The following TEAD1 variants were observed in gnomAD, a reference collection of about 807,000 sequenced individuals.
The protein encoded by TEAD1 is TEA domain transcription factor 1, also known as transcriptional enhancer factor TEF-1.
A neutral mutation model predicts 54.9 loss-of-function variants in TEAD1; 9 were observed. The ratio of observed to expected loss-of-function variants is 0.16; its 90% CI spans 0.10 to 0.29. TEAD1 has a LOEUF of 0.29. Among genes scored for constraint, TEAD1 ranks in the 10% least tolerant of loss-of-function variants. The probability of loss-of-function intolerance (pLI) is 1.00; values close to 1 mark genes in which losing one functional copy is unlikely to be tolerated. For synonymous variants in TEAD1, 200 were observed against 187.8 expected (o/e 1.07, Z -0.53); for missense variants, 387 against 535.9 (o/e 0.72, Z 2.74).
chr11:12,820,183 C>T (rs1946511793), intron 3 of TEAD1, among the ~76,000 whole-genome samples: 1 of 152,058 alleles, frequency 6.6e-6, no homozygotes, highest in African/African-American at 2.4e-5. Flanking sequence ...GGGAGTGGGA[C>T]GTGATCTGGT....
chr11:12,705,109 T>G (rs1208864955), intron 2 of TEAD1, among the ~76,000 whole-genome samples: 2 of 152,222 alleles, frequency 1.3e-5, no homozygotes, highest in Admixed American at 1.3e-4. Flanking sequence ...CTCTTAAAGC[T>G]GAACTTGTTG....
rs184453954 is a variant in TEAD1 at position 12,924,744 on chromosome 11, C to T, written c.874-168C>T. Among the ~76,000 whole-genome samples the T allele has an allele frequency of 7.4e-4, 113 of 152,188 alleles. 1 individual carries two copies. The highest frequency in any genetic ancestry group is 7.5e-4 in the Non-Finnish European group (51 of 68,012). On this transcript the variant is annotated intron_variant, in intron 10 of 12. Coordinates refer to ENST00000527636, the MANE Select transcript of TEAD1 (RefSeq NM_021961.6). ...AGAGGACTGCCCAAATTAGCAAACTCTTTAAAAAACGACAGATGGGTATTG... is the reference window on the plus strand; with the variant it reads ...AGAGGACTGCCCAAATTAGCAAACTTTTTAAAAAACGACAGATGGGTATTG...
intron 2 of TEAD1, among the ~76,000 whole-genome samples, chr11:12,723,298 G>A (rs1184038422): frequency 6.6e-6 from 1 of 152,068 alleles, no homozygotes; most frequent in African/African-American, 2.4e-5. Flanking sequence ...GGTTGAGTAT[G>A]GCTTTACTTA....
chr11:12,735,188 G>T (rs1226723533), intron 2 of TEAD1, among the ~76,000 whole-genome samples: 1 of 152,126 alleles, frequency 6.6e-6, no homozygotes, highest in Non-Finnish European at 1.5e-5. Context: ...TTCCGGGTTA[G>T]AAATACTGAG....
At position 12,937,227 on chromosome 11, in the gene TEAD1, G is replaced by A. The variant is rs748078530; in HGVS notation, c.*5G>A. 6 of 1,589,522 alleles carry A rather than the reference G, an allele frequency of 3.8e-6. No homozygotes were observed. Among genetic ancestry groups the A allele is most frequent in the Non-Finnish European group, 4.3e-6 (5 of 1,158,442 alleles). On this transcript the variant is annotated 3_prime_UTR_variant, in exon 13 of 13. Coordinates refer to ENST00000527636, the MANE Select transcript of TEAD1 (RefSeq NM_021961.6). ...TACAGGCTTGTAAAGGACTGAACAT[G>A]GTTATTTATATATATAGATATCTGT... is the stretch of plus-strand genomic sequence containing the variant.
At chr11:12,721,056 C>T (rs1269151544) in intron 2 of TEAD1, among the ~76,000 whole-genome samples, 1 of 152,196 alleles carries the variant, frequency 6.6e-6, no homozygotes, top group Admixed American at 6.5e-5. Context: ...TGTTTGACTA[C>T]CCTGTGTTTA....
At chr11:12,833,488 T>C (rs1303602766) in intron 3 of TEAD1, among the ~76,000 whole-genome samples, 2 of 152,202 alleles carry the variant, frequency 1.3e-5, no homozygotes, top group African/African-American at 4.8e-5. Context: ...ATAAGTAGCT[T>C]TGTTTTTCTT....
intron 11 of TEAD1, among the ~76,000 whole-genome samples, chr11:12,928,880 C>T (rs1948954625): frequency 6.6e-6 from 1 of 152,166 alleles, no homozygotes; most frequent in Non-Finnish European, 1.5e-5. Flanking sequence ...GGTGAGAACA[C>T]TTAAATATTC....
chr11:12,842,102 G>C (rs909579581), intron 3 of TEAD1, among the ~76,000 whole-genome samples: 3 of 152,114 alleles, frequency 2.0e-5, no homozygotes, highest in African/African-American at 7.2e-5. Flanking sequence ...AGGCAAATGT[G>C]AATCATGGGA....
intron 5 of TEAD1, among the ~76,000 whole-genome samples, chr11:12,875,710 T>G (rs1947841516): frequency 6.6e-6 from 1 of 152,214 alleles, no homozygotes; most frequent in African/African-American, 2.4e-5. Flanking sequence ...GTAGGTCAAG[T>G]GCAGAAAGAA....
chr11:12,924,318 T>C (rs1345344131), intron 10 of TEAD1, among the ~76,000 whole-genome samples: 2 of 152,256 alleles, frequency 1.3e-5, no homozygotes, highest in African/African-American at 4.8e-5. Flanking sequence ...AGTTATTTTA[T>C]GTATCTTCCA....
At chr11:12,936,021 C>T (rs1336594094) in intron 12 of TEAD1, among the ~76,000 whole-genome samples, 5 of 152,186 alleles carry the variant, frequency 3.3e-5, no homozygotes, top group Non-Finnish European at 7.3e-5. Flanking sequence ...CAGCCTGATA[C>T]TTAGAGGGAA....
At position 12,939,937 on chromosome 11, in the gene TEAD1, T is replaced by C. The variant is rs1347399625; in HGVS notation, c.*2715T>C. ...TCTGTATGGCAGTCTCCCTTTGTTA[T>C]AAAAGCTTTCTAAAGCATACTAAAG... is the stretch of plus-strand genomic sequence containing the variant. On this transcript the variant is annotated 3_prime_UTR_variant, in exon 13 of 13. Coordinates refer to ENST00000527636, the MANE Select transcript of TEAD1 (RefSeq NM_021961.6). The C allele has an allele frequency of 6.6e-6, 1 of 152,192 alleles. No individual in the cohort carries two copies. Among genetic ancestry groups the C allele is most frequent in the Non-Finnish European group, 1.5e-5 (1 of 68,046 alleles). 9.4% of individuals were successfully genotyped at this position (152,192 alleles called of 1,614,324 possible).
chr11:12,680,904 T>C (rs904496087), intron 2 of TEAD1, among the ~76,000 whole-genome samples: 1 of 152,216 alleles, frequency 6.6e-6, no homozygotes, highest in African/African-American at 2.4e-5. Flanking sequence ...TCAGATAAGC[T>C]GTCTGGTAAT....
intron 2 of TEAD1, among the ~76,000 whole-genome samples, chr11:12,748,981 G>A (rs911710683): frequency 2.6e-5 from 4 of 152,192 alleles, no homozygotes; most frequent in Non-Finnish European, 4.4e-5. Context: ...GTTTACCTGA[G>A]AAACATCATC....
At chr11:12,689,806 C>T (rs377720703) in intron 2 of TEAD1, among the ~76,000 whole-genome samples, 3 of 152,054 alleles carry the variant, frequency 2.0e-5, no homozygotes, top group Non-Finnish European at 4.4e-5. Context: ...ACTCCTGGCT[C>T]CTCTCCCACC....
rs1262706861 is a variant in TEAD1, at chr11:12,838,553, AATTTTAAC to A, written c.203-23689_203-23682del. The stretch of plus-strand genomic sequence containing the variant: ...TAATGATGGGATTACTTTGAAGATA[AATTTTAAC>A]ATTTTAAGTAAAACGTTCATGTAAA... On this transcript the variant is annotated intron_variant, in intron 3 of 12. Coordinates refer to ENST00000527636, the MANE Select transcript of TEAD1 (RefSeq NM_021961.6). Among the ~76,000 whole-genome samples the A allele has an allele frequency of 4.6e-5, 7 of 152,346 alleles. 2 individuals carry two copies. The highest frequency in any genetic ancestry group is 1.7e-4 in the African/African-American group (7 of 41,592).
intron 10 of TEAD1, chr11:12,921,101 CTGAA>C (rs1266345154): frequency 5.9e-5 from 9 of 152,152 alleles, no homozygotes; most frequent in African/African-American, 2.2e-4. Flanking sequence ...TACCTAAGTG[CTGAA>C]TATCTCTGAA....
At chr11:12,756,092 C>T (rs183486361) in intron 2 of TEAD1, among the ~76,000 whole-genome samples, 13 of 152,260 alleles carry the variant, frequency 8.5e-5, no homozygotes, top group Admixed American at 2.6e-4. Flanking sequence ...ATCAGGGATT[C>T]TCAGGAGGGT....
Sources: gnomAD v4.1 joint callset for allele counts (sites outside exome capture counted in the v4.1 genomes callset) on GRCh38, gnomAD v4.1.1 for gene constraint, MANE v1.5 for transcripts, NCBI Gene and HGNC (gene_info 2026-07-23, HGNC 2026-07-21) for gene names.